Variants in MET observed in about 807,000 individuals in gnomAD.
MET encodes the protein MET proto-oncogene, receptor tyrosine kinase.
Under a neutral mutation model 133.1 loss-of-function variants are expected in MET, and 48 were observed. The ratio of observed to expected loss-of-function variants is 0.36; its 90% CI spans 0.29 to 0.46. The LOEUF is 0.46. MET is among the 20% of genes least tolerant of loss of function. The pLI is 1.00. For synonymous variants in MET, 628 were observed against 616.5 expected, an observed-to-expected ratio of 1.02 and a Z score of -0.28; for missense variants, 1,442 against 1,695.9, an observed-to-expected ratio of 0.85 and a Z score of 2.63.
chr7:116,771,573 G>T lies in MET; in HGVS notation c.2806G>T (p.Ala936Ser), dbSNP rs1794834628. Residue 936 changes from alanine to serine, a missense_variant, in exon 13 of 21, where the codon GCT becomes TCT. Transcript: ENST00000397752. The stretch of plus-strand genomic sequence containing the variant: ...AGATCAGAATTTCACAGGATTGATT[G>T]CTGGTGTTGTCTCAATATCAACAGC... Reference protein sequence around the residue: ...QPDQNFTGLIAGVVSISTALL... With the variant: ...QPDQNFTGLISGVVSISTALL... 1.2e-6 allele frequency: 2 copies of T among 1,613,872 alleles called. No homozygotes were observed. The highest frequency in any genetic ancestry group is 1.7e-6 in the Non-Finnish European group (2 of 1,179,806).
At position 116,761,902 on chromosome 7, in the gene MET, T is replaced by C. The variant is rs192268529; in HGVS notation, c.2365-1148T>C. 2.0e-5 allele frequency among the ~76,000 whole-genome samples: 3 copies of C among 152,286 alleles called. No homozygotes were observed. In the East Asian group the frequency reaches 5.8e-4, roughly 29 times the overall value. Reference sequence around the variant, plus strand: ...ATTCTGTTTGTCCTTTTTATGTATATCCTGAGTCCTTTTTCTATTGTGGGC... The same window carrying C: ...ATTCTGTTTGTCCTTTTTATGTATACCCTGAGTCCTTTTTCTATTGTGGGC... On this transcript the variant is annotated intron_variant, in intron 10 of 20. Transcript: ENST00000397752.
At chr7:116,716,516 A>AGAAAGAAAGAAAGAAG (rs1792240174) in intron 2 of MET, among the ~76,000 whole-genome samples, 1 of 149,182 alleles carries the variant, frequency 6.7e-6, no homozygotes, top group African/African-American at 2.5e-5. Context: ...AAAGAAAGAA[A>AGAAAGAAAGAAAGAAG]GAAAGAAAGA....
At chr7:116,743,414 G>A (rs1013651208) in intron 5 of MET, among the ~76,000 whole-genome samples, 7 of 152,162 alleles carry the variant, frequency 4.6e-5, no homozygotes, top group Non-Finnish European at 8.8e-5. Context: ...TGAAGCCAGG[G>A]AGCCAAGTGG....
At chr7:116,689,845 T>TCA (rs1465086873) in intron 1 of MET, among the ~76,000 whole-genome samples, 1 of 152,016 alleles carries the variant, frequency 6.6e-6, no homozygotes. Flanking sequence ...CTGGCGTGAG[T>TCA]CACAGTGCCT....
intron 15 of MET, among the ~76,000 whole-genome samples, chr7:116,776,425 G>C: frequency 6.6e-6 from 1 of 152,090 alleles, no homozygotes; most frequent in African/African-American, 2.4e-5. Context: ...CACTAATTGT[G>C]TTCTAATTCT....
intron 1 of MET, among the ~76,000 whole-genome samples, chr7:116,675,430 T>TA (rs1391904010): frequency 6.6e-6 from 1 of 152,154 alleles, no homozygotes; most frequent in Non-Finnish European, 1.5e-5. Context: ...AATTTTTTTT[T>TA]AAAAATCAAA....
chr7:116,677,768 A>G (rs1415593157), intron 1 of MET, among the ~76,000 whole-genome samples: 1 of 152,226 alleles, frequency 6.6e-6, no homozygotes. Flanking sequence ...TCCTATTGGC[A>G]CGTGGTTATT....
At chr7:116,783,084 C>T (rs948053275) in intron 18 of MET, among the ~76,000 whole-genome samples, 6 of 152,222 alleles carry the variant, frequency 3.9e-5, no homozygotes, top group African/African-American at 7.2e-5. Context: ...AATTCATGAT[C>T]TCTTTCCTCA....
intron 1 of MET, among the ~76,000 whole-genome samples, chr7:116,694,707 AGATG>A (rs1173766446): frequency 1.3e-5 from 2 of 152,022 alleles, no homozygotes; most frequent in African/African-American, 4.8e-5. Context: ...TATTTTTTTT[AGATG>A]GAGTCTCGCT....
chr7:116,795,681 G>A lies in MET; in HGVS notation c.3825G>A (p.Glu1275=). ...GGTCCTTTGGCGTGCTCCTCTGGGAGCTGATGACAAGAGGAGCCCCACCTT... is the reference window on the plus strand; with the variant it reads ...GGTCCTTTGGCGTGCTCCTCTGGGAACTGATGACAAGAGGAGCCCCACCTT... ...DVWSFGVLLW[E]LMTRGAPPYP... is the part of the protein sequence containing the mutation. Residue 1275 remains glutamate, a synonymous_variant, in exon 20 of 21, where the codon GAG becomes GAA. Coordinates refer to ENST00000397752, the MANE Select transcript of MET (RefSeq NM_000245.4). 1 of 1,614,054 alleles carries A rather than the reference G, an allele frequency of 6.2e-7. No homozygotes were observed. The highest frequency in any genetic ancestry group is 8.5e-7 in the Non-Finnish European group (1 of 1,180,018).
In MET at chr7:116,731,772, C is replaced by T. The variant is rs762520351; in HGVS notation, c.1305C>T (p.Ser435=). 13 of 1,614,006 alleles carry T rather than the reference C, an allele frequency of 8.1e-6. No individual in the cohort carries two copies. Among genetic ancestry groups the T allele is most frequent in the Admixed American group, 5.0e-5 (3 of 59,978 alleles). The change falls in exon 3 of 21, where the codon AGC becomes AGT. Residue 435 remains serine (S), a synonymous_variant. Transcript: ENST00000397752. ...TTGACTTATTCATGGGTCAATTCAG[C>T]GAAGTCCTCTTAACATCTATATCCA... ...QRVDLFMGQF[S]EVLLTSISTF... is the part of the protein sequence containing the mutation.
intron 19 of MET, among the ~76,000 whole-genome samples, chr7:116,790,980 C>A (rs1394896281): frequency 3.9e-5 from 6 of 152,188 alleles, no homozygotes; most frequent in Non-Finnish European, 8.8e-5. Context: ...CAGGAGGCTG[C>A]GGCGGGACAG....
At chr7:116,783,554 A>T (rs41281078) in intron 19 of MET, 85 bp downstream of exon 19, 57 of 1,416,554 alleles carry the variant, frequency 4.0e-5, no homozygotes, top group African/African-American at 5.7e-5. Flanking sequence ...TTAATTTTTT[A>T]AAAAAATTCA....
intron 5 of MET, 42 bp downstream of exon 5, chr7:116,741,067 G>GTTTTTTTTTTTTTTTTTTTTTTTTGTTT: frequency 1.5e-6 from 2 of 1,348,788 alleles, no homozygotes; most frequent in Admixed American, 2.2e-5. Context: ...TTTGTTTGGT[G>GTTTTTTTTTTTTTTTTTTTTTTTTGTTT]TTTTTTTTTT....
intron 3 of MET, among the ~76,000 whole-genome samples, chr7:116,734,499 G>T (rs902179662): frequency 6.6e-6 from 1 of 152,196 alleles, no homozygotes; most frequent in Non-Finnish European, 1.5e-5. Context: ...AACATTTTGT[G>T]TATGGCAGGG....
chr7:116,770,474 T>C (rs1939305037), intron 12 of MET, among the ~76,000 whole-genome samples: 1 of 152,188 alleles, frequency 6.6e-6, no homozygotes, highest in Non-Finnish European at 1.5e-5. Flanking sequence ...TTAAGTTGCA[T>C]TAATTTCATT....
chr7:116,731,955 AAGT>A, intron 3 of MET, 96 bp downstream of exon 3: 1 of 1,209,930 alleles, frequency 8.3e-7, no homozygotes, highest in Non-Finnish European at 1.2e-6. Flanking sequence ...AAATACTGTA[AAGT>A]CCAAATCATA....
Position 116,685,948 on chromosome 7 carries a change from C to T in MET, c.-14-13123C>T, listed in dbSNP as rs150991259. On this transcript the variant is annotated intron_variant, in intron 1 of 20. Coordinates refer to ENST00000397752, the MANE Select transcript of MET (RefSeq NM_000245.4). ...CTGTCTTCAAAATAGAACCAGAATT[C>T]GGCCACATCTCCCCACTCTCCCCTT... Among the ~76,000 whole-genome samples the T allele has an allele frequency of 4.1e-3, 625 of 152,176 alleles. 4 individuals are homozygous for T. Among genetic ancestry groups the T allele is most frequent in the African/African-American group, 0.014 (585 of 41,524 alleles).
chr7:116,711,526 G>A (rs1271023596), intron 2 of MET, among the ~76,000 whole-genome samples: 2 of 151,890 alleles, frequency 1.3e-5, no homozygotes, highest in Non-Finnish European at 2.9e-5. Context: ...ATAAAGCCTG[G>A]TTTCATTCAT....
Sources: gnomAD v4.1 joint callset for allele counts (sites outside exome capture counted in the v4.1 genomes callset) on GRCh38, gnomAD v4.1.1 for gene constraint, MANE v1.5 for transcripts, NCBI Gene and HGNC (gene_info 2026-07-23, HGNC 2026-07-21) for gene names.